The following OR2L13 variants were observed in gnomAD, a reference collection of about 807,000 sequenced individuals.
OR2L13 encodes the protein olfactory receptor family 2 subfamily L member 13, also known as olfactory receptor 2L13.
Under a neutral mutation model 15.3 loss-of-function variants are expected in OR2L13, and 14 were observed. The ratio of observed to expected loss-of-function variants is 0.91; its 90% CI spans 0.60 to 1.43. The LOEUF is 1.43. Among genes scored for constraint, OR2L13 ranks in the 40% most tolerant of loss-of-function variants. The probability of loss-of-function intolerance (pLI) is 0.00; values close to 1 mark genes in which losing one functional copy is unlikely to be tolerated. For missense variants in OR2L13, 367 were observed against 387.9 expected (o/e 0.95, Z 0.45); for synonymous variants, 152 against 142.9 (o/e 1.06, Z -0.45).
chr1:247,968,147 T>G, the OR2L13 span, among the ~76,000 whole-genome samples: 1 of 152,002 alleles, frequency 6.6e-6, no homozygotes, highest in South Asian at 2.1e-4. Context: ...TGAATAATCA[T>G]AATAACCATA....
chr1:248,073,069 G>A, the OR2L13 span, among the ~76,000 whole-genome samples: 56 of 151,498 alleles, frequency 3.7e-4, no homozygotes, highest in African/African-American at 1.3e-3. Flanking sequence ...TCAGTGTGGC[G>A]ATTCCTCAGG....
the OR2L13 span, among the ~76,000 whole-genome samples, chr1:247,963,605 C>G: frequency 6.6e-6 from 1 of 152,068 alleles, no homozygotes; most frequent in East Asian, 1.9e-4. Context: ...CGAGATATGC[C>G]TTTTTCTTAT....
chr1:247,967,401 G>C, the OR2L13 span, among the ~76,000 whole-genome samples: 68 of 152,050 alleles, frequency 4.5e-4, no homozygotes, highest in African/African-American at 1.6e-3. Context: ...GCTAATTTTT[G>C]TATTTTTAGT....
chr1:248,028,139 T>TAAAAA, the OR2L13 span, among the ~76,000 whole-genome samples: 1 of 32,186 alleles, frequency 3.1e-5, no homozygotes, highest in East Asian at 1.7e-3. Flanking sequence ...AGATTCCGTC[T>TAAAAA]CAAAAAAAAA....
At chr1:248,090,287 T>C (rs1001501153), upstream of OR2L13, among the ~76,000 whole-genome samples, 3 of 151,718 alleles carry the variant, frequency 2.0e-5, no homozygotes, top group African/African-American at 4.8e-5. Context: ...CTGAACCCTT[T>C]CGTTTAGTAT....
chr1:248,055,296 T>C, the OR2L13 span, among the ~76,000 whole-genome samples: 486 of 152,318 alleles, frequency 3.2e-3, 8 homozygotes, highest in African/African-American at 0.011. Context: ...GCTGACTTGA[T>C]TGTGATGGAG....
the OR2L13 span, among the ~76,000 whole-genome samples, chr1:248,033,463 G>T: frequency 4.0e-5 from 6 of 151,476 alleles, no homozygotes; most frequent in South Asian, 4.2e-4. Context: ...TTGAAACAGG[G>T]TCTCACTCTG....
At chr1:248,005,123 T>C in the OR2L13 span, among the ~76,000 whole-genome samples, 16 of 152,284 alleles carry the variant, frequency 1.1e-4, no homozygotes, top group African/African-American at 3.9e-4. Context: ...AGAGTGACTA[T>C]AGTAAACAAT....
At chr1:247,938,190 C>T in the OR2L13 span, among the ~76,000 whole-genome samples, 1 of 152,070 alleles carries the variant, frequency 6.6e-6, no homozygotes, top group African/African-American at 2.4e-5. Flanking sequence ...CTGTAACAGT[C>T]TCCTATCCCT....
chr1:248,061,840 G>A, the OR2L13 span: 1 of 398,118 alleles, frequency 2.5e-6, no homozygotes, highest in Non-Finnish European at 4.4e-6. Context: ...AATTTTGAAA[G>A]CACCTACTTT....
At chr1:248,053,732 G>T in the OR2L13 span, among the ~76,000 whole-genome samples, 1 of 152,112 alleles carries the variant, frequency 6.6e-6, no homozygotes, top group Non-Finnish European at 1.5e-5. Flanking sequence ...TTTAAAATAT[G>T]TTTGTTGGCC....
chr1:248,085,448 A>ATAAAAT, the OR2L13 span, among the ~76,000 whole-genome samples: 2 of 122,090 alleles, frequency 1.6e-5, no homozygotes, highest in African/African-American at 6.6e-5. Flanking sequence ...ATAAAATAAA[A>ATAAAAT]AAATGTGTGC....
At chr1:247,947,945 G>A in the OR2L13 span, among the ~76,000 whole-genome samples, 32 of 152,276 alleles carry the variant, frequency 2.1e-4, no homozygotes, top group Admixed American at 5.2e-4. Flanking sequence ...GGTTGGGTGG[G>A]GAGCTGTTGC....
chr1:247,999,681 T>C, the OR2L13 span, among the ~76,000 whole-genome samples: 1 of 152,158 alleles, frequency 6.6e-6, no homozygotes, highest in African/African-American at 2.4e-5. Context: ...GAGCCATCCT[T>C]GTCTAGACTC....
the OR2L13 span, among the ~76,000 whole-genome samples, chr1:248,064,183 A>G: frequency 9.5e-4 from 145 of 152,228 alleles, no homozygotes; most frequent in African/African-American, 3.4e-3. Context: ...TTAACCCTCA[A>G]TGTCATAGTA....
At chr1:248,001,058 GTTTA>G in the OR2L13 span, among the ~76,000 whole-genome samples, 4,259 of 152,072 alleles carry the variant, frequency 0.028, 160 homozygotes, top group African/African-American at 0.097. Flanking sequence ...ATTAATGTAT[GTTTA>G]TTTATGTAGG....
chr1:248,078,890 G>A, the OR2L13 span, among the ~76,000 whole-genome samples: 13 of 152,126 alleles, frequency 8.5e-5, no homozygotes, highest in Admixed American at 5.2e-4. Context: ...TTTACATAAT[G>A]TATGTTTTAT....
At chr1:247,956,721 T>A in the OR2L13 span, among the ~76,000 whole-genome samples, 8 of 151,676 alleles carry the variant, frequency 5.3e-5, no homozygotes, top group Non-Finnish European at 1.2e-4. Context: ...GAATGGGAGT[T>A]CACTCATGAT....
At chr1:247,941,302 A>G in the OR2L13 span, among the ~76,000 whole-genome samples, 2 of 152,170 alleles carry the variant, frequency 1.3e-5, no homozygotes, top group African/African-American at 4.8e-5. Flanking sequence ...TTGGAGACTT[A>G]TAAGTCAGGT....
Sources: gnomAD v4.1 joint callset for allele counts (sites outside exome capture counted in the v4.1 genomes callset) on GRCh38, gnomAD v4.1.1 for gene constraint, MANE v1.5 for transcripts, NCBI Gene and HGNC (gene_info 2026-07-23, HGNC 2026-07-21) for gene names.